The following SCFD2 variants were observed in gnomAD, a reference collection of about 807,000 sequenced individuals.
SCFD2 encodes sec1 family domain-containing protein 2.
SCFD2 carries 54 observed loss-of-function variants against 58.9 expected under a neutral mutation model. The ratio of observed to expected loss-of-function variants is 0.92; its 90% CI spans 0.74 to 1.15. The LOEUF (loss-of-function observed/expected upper bound fraction) is 1.15, where lower values mean the gene tolerates loss of function less well. Ranked by LOEUF, SCFD2 falls within the 50% of genes most tolerant of loss-of-function variation. The pLI is 0.00. For missense variants in SCFD2, 805 were observed against 836.6 expected, an observed-to-expected ratio of 0.96 and a Z score of 0.47; for synonymous variants, 321 against 335.9, an observed-to-expected ratio of 0.96 and a Z score of 0.49.
chr4:52,875,802 CTATATATATATATATATATA>C lies in SCFD2; in HGVS notation c.1963-1761_1963-1742del, dbSNP rs3052566. 7.5e-3 allele frequency among the ~76,000 whole-genome samples: 462 copies of C among 61,262 alleles called. 4 individuals are homozygous for C. Among genetic ancestry groups the C allele is most frequent in the African/African-American group, 0.012 (204 of 16,998 alleles). 40.2% of individuals were successfully genotyped at this position (61,262 alleles called of 152,430 possible). A position where few individuals can be genotyped will look rare whatever the true frequency, so the allele number is the denominator to read the frequency against. ...CTTCTTGAAAGAGGATTATCTTTAA[CTATATATATATATATATATA>C]TATATATATATATATATATATATAT... On this transcript the variant is annotated intron_variant, in intron 8 of 8. Coordinates refer to ENST00000401642, the MANE Select transcript of SCFD2 (RefSeq NM_152540.4).
chr4:53,358,663 C>T (rs1734466685), intron 1 of SCFD2, among the ~76,000 whole-genome samples: 1 of 151,888 alleles, frequency 6.6e-6, no homozygotes, highest in Admixed American at 6.6e-5. Context: ...TAATTTTGAA[C>T]TTGAAAACTA....
chr4:53,024,694 T>C (rs907329364), intron 5 of SCFD2, among the ~76,000 whole-genome samples: 5 of 143,532 alleles, frequency 3.5e-5, no homozygotes, highest in Non-Finnish European at 6.0e-5. Context: ...AAGGTGTTTA[T>C]GTCTCAGGCC....
At chr4:53,069,265 G>A (rs77780880) in intron 5 of SCFD2, among the ~76,000 whole-genome samples, 2,964 of 152,034 alleles carry the variant, frequency 0.019, 71 homozygotes, top group East Asian at 0.11. Context: ...TCACACCTTG[G>A]GATAAGTAAG....
At chr4:52,984,975 A>C (rs1721456003) in intron 5 of SCFD2, among the ~76,000 whole-genome samples, 1 of 152,220 alleles carries the variant, frequency 6.6e-6, no homozygotes. Flanking sequence ...ATTAAGCTGA[A>C]TTCTGTCACC....
chr4:53,090,665 A>G (rs1724443081), intron 5 of SCFD2, among the ~76,000 whole-genome samples: 1 of 152,170 alleles, frequency 6.6e-6, no homozygotes, highest in Non-Finnish European at 1.5e-5. Flanking sequence ...CTTATTCAAC[A>G]AATATTTGTG....
chr4:53,140,179 G>A (rs370120118), intron 5 of SCFD2, among the ~76,000 whole-genome samples: 8 of 149,544 alleles, frequency 5.3e-5, no homozygotes, highest in African/African-American at 1.7e-4. Flanking sequence ...CCCCCTCTCC[G>A]AGAAACACCC....
At chr4:53,255,852 C>G (rs969880068) in intron 4 of SCFD2, among the ~76,000 whole-genome samples, 4 of 147,816 alleles carry the variant, frequency 2.7e-5, no homozygotes, top group African/African-American at 5.0e-5. Context: ...CTGACCCCCC[C>G]ACCTCCATCC....
chr4:53,311,397 T>C (rs1450723958), intron 3 of SCFD2, among the ~76,000 whole-genome samples: 1 of 152,052 alleles, frequency 6.6e-6, no homozygotes, highest in Non-Finnish European at 1.5e-5. Flanking sequence ...GACAGAAAAC[T>C]CAAACATTTA....
chr4:53,083,150 T>A lies in SCFD2; in HGVS notation c.1561+62183A>T, dbSNP rs570886330. Reference sequence around the variant, plus strand: ...GGTGAAGGCTGGAAAAGTTTTGAGGTGCATGCTAGAAAAAAGGTATATTGC... The same window carrying A: ...GGTGAAGGCTGGAAAAGTTTTGAGGAGCATGCTAGAAAAAAGGTATATTGC... On this transcript the variant is annotated intron_variant, in intron 5 of 8. Coordinates refer to ENST00000401642, the MANE Select transcript of SCFD2 (RefSeq NM_152540.4). 5.3e-5 allele frequency among the ~76,000 whole-genome samples: 8 copies of A among 152,194 alleles called. No individual in the cohort carries two copies. In the East Asian group the frequency reaches 5.8e-4, roughly 11 times the overall value.
intron 4 of SCFD2, among the ~76,000 whole-genome samples, chr4:53,223,365 CT>C (rs1345674037): frequency 6.6e-6 from 1 of 152,198 alleles, no homozygotes; most frequent in African/African-American, 2.4e-5. Context: ...TCTGAAGGAA[CT>C]GTTATAGTTC....
chr4:52,969,167 C>A (rs546083174), intron 5 of SCFD2, among the ~76,000 whole-genome samples: 2 of 152,276 alleles, frequency 1.3e-5, no homozygotes, highest in Admixed American at 1.3e-4. Flanking sequence ...GACTCCCACA[C>A]TCTTCCTTGG....
Position 53,103,231 on chromosome 4 carries a change from C to T in SCFD2, c.1561+42102G>A, listed in dbSNP as rs529819626. On this transcript the variant is annotated intron_variant, in intron 5 of 8. Transcript: ENST00000401642. ...AACATAACTGAAGGGAGATGATTAGCAAAGGGCTCTGGATATAACACCCCA... is the reference window on the plus strand; with the variant it reads ...AACATAACTGAAGGGAGATGATTAGTAAAGGGCTCTGGATATAACACCCCA... 6.6e-5 allele frequency among the ~76,000 whole-genome samples: 10 copies of T among 152,146 alleles called. No homozygotes were observed. The South Asian group carries it at 2.1e-3, about 32-fold the overall frequency.
chr4:53,031,944 C>A (rs947094340), intron 5 of SCFD2, among the ~76,000 whole-genome samples: 4 of 152,108 alleles, frequency 2.6e-5, no homozygotes, highest in Admixed American at 6.5e-5. Flanking sequence ...GAGAACACCA[C>A]AAAGATACTC....
intron 5 of SCFD2, among the ~76,000 whole-genome samples, chr4:52,954,221 A>G (rs1040328357): frequency 3.9e-5 from 6 of 152,076 alleles, no homozygotes; most frequent in African/African-American, 1.4e-4. Flanking sequence ...GGTTGTCCCC[A>G]AGTCTTTGGT....
chr4:53,012,740 T>G (rs1199764347), intron 5 of SCFD2, among the ~76,000 whole-genome samples: 1 of 152,106 alleles, frequency 6.6e-6, no homozygotes, highest in Non-Finnish European at 1.5e-5. Context: ...CATCTGCATT[T>G]ATGGAGTTAA....
intron 5 of SCFD2, among the ~76,000 whole-genome samples, chr4:52,966,108 C>A (rs1432457732): frequency 6.6e-6 from 1 of 152,120 alleles, no homozygotes; most frequent in East Asian, 1.9e-4. Flanking sequence ...GTTGAAGTGC[C>A]CTCATTTATG....
At position 52,940,731 on chromosome 4, in the gene SCFD2, G is replaced by C. The variant is rs532363309; in HGVS notation, c.1562-19861C>G. ...GGAACAATCTGTTTTGTGGTAATGC[G>C]CAAAGGGACTTCTTGTTGTAGGACT... On this transcript the variant is annotated intron_variant, in intron 5 of 8. Transcript: ENST00000401642. Among the ~76,000 whole-genome samples the C allele has an allele frequency of 2.0e-4, 30 of 152,264 alleles. No homozygotes were observed. The South Asian group carries it at 6.2e-3, about 32-fold the overall frequency.
chr4:53,093,085 G>T (rs1169645510), intron 5 of SCFD2, among the ~76,000 whole-genome samples: 1 of 152,114 alleles, frequency 6.6e-6, no homozygotes, highest in Non-Finnish European at 1.5e-5. Flanking sequence ...AGGAGCAGGA[G>T]ATACTGTTAA....
At chr4:53,216,266 C>T (rs1340545463) in intron 4 of SCFD2, among the ~76,000 whole-genome samples, 1 of 152,176 alleles carries the variant, frequency 6.6e-6, no homozygotes, top group African/African-American at 2.4e-5. Flanking sequence ...GCTGTGAATT[C>T]GTCTGGCTCT....
Sources: allele counts gnomAD v4.1 joint callset (sites outside exome capture counted in the v4.1 genomes callset), GRCh38; gene constraint gnomAD v4.1.1; transcripts MANE v1.5; gene names NCBI Gene and HGNC (gene_info 2026-07-23, HGNC 2026-07-21).